ERBB4: variants seen among roughly 807,000 people sequenced by gnomAD.
ERBB4 encodes the protein receptor tyrosine-protein kinase erbB-4.
In ERBB4, 42 loss-of-function variants were observed where a neutral mutation model predicts 158.0. That is an observed-to-expected ratio of 0.27 (90% confidence interval 0.21 to 0.34). The LOEUF (loss-of-function observed/expected upper bound fraction) is 0.34. ERBB4 is among the 10% of genes least tolerant of loss of function. The pLI is 1.00. For missense variants in ERBB4, 1,333 were observed against 1,624.1 expected (o/e 0.82, Z 3.08); for synonymous variants, 583 against 558.7 (o/e 1.04, Z -0.61).
chr2:211,524,710 C>G (rs1219438008), intron 20 of ERBB4, among the ~76,000 whole-genome samples: 1 of 152,118 alleles, frequency 6.6e-6, no homozygotes, highest in Non-Finnish European at 1.5e-5. Context: ...GGAACTCCAG[C>G]TGGCCCGCAA....
At chr2:211,665,212 G>A in intron 15 of ERBB4, 111 bp downstream of exon 15, 1 of 1,086,856 alleles carries the variant, frequency 9.2e-7, no homozygotes, top group Non-Finnish European at 1.4e-6. Context: ...TTAAATATAA[G>A]GATTAGTAGA....
At chr2:212,044,571 A>C (rs1433151627) in intron 2 of ERBB4, among the ~76,000 whole-genome samples, 5 of 152,118 alleles carry the variant, frequency 3.3e-5, no homozygotes, top group African/African-American at 4.8e-5. Flanking sequence ...TATTACAATA[A>C]ATTTTAACAT....
At chr2:212,331,264 C>G (rs1442153106) in intron 1 of ERBB4, among the ~76,000 whole-genome samples, 1 of 150,578 alleles carries the variant, frequency 6.6e-6, no homozygotes, top group Non-Finnish European at 1.5e-5. Context: ...AGAAATAAGT[C>G]ATTATAATAT....
chr2:211,663,647 C>G (rs1471490033), intron 15 of ERBB4, among the ~76,000 whole-genome samples: 2 of 152,062 alleles, frequency 1.3e-5, no homozygotes, highest in Non-Finnish European at 2.9e-5. Flanking sequence ...GACACACCAG[C>G]CATGCATCCA....
intron 3 of ERBB4, among the ~76,000 whole-genome samples, chr2:211,912,444 C>T (rs2125057916): frequency 6.6e-6 from 1 of 151,920 alleles, no homozygotes; most frequent in East Asian, 1.9e-4. Flanking sequence ...TTAATCATAC[C>T]ATACTGTATT....
rs2105919110 is a variant in ERBB4 at position 211,665,391 on chromosome 2, G to A, written c.1803C>T (p.Asn601=). The A allele has an allele frequency of 6.2e-7, 1 of 1,613,994 alleles. No individual in the cohort carries two copies. Among genetic ancestry groups the A allele is most frequent in the Non-Finnish European group, 8.5e-7 (1 of 1,180,002 alleles). Reference sequence around the variant, plus strand: ...GATCAGCATACTTGAAAATGAAACTGTTTGCCCCCTGTAAGCCATCTGGAC... The same window carrying A: ...GATCAGCATACTTGAAAATGAAACTATTTGCCCCCTGTAAGCCATCTGGAC... ...EKCPDGLQGA[N]SFIFKYADPD... is the part of the protein sequence containing the mutation. The change falls in exon 15 of 28, where the codon AAC becomes AAT. Residue 601 remains asparagine, a synonymous_variant. Coordinates refer to ENST00000342788, the MANE Select transcript of ERBB4 (RefSeq NM_005235.3).
intron 5 of ERBB4, among the ~76,000 whole-genome samples, chr2:211,730,485 C>T (rs1295057815): frequency 6.6e-6 from 1 of 151,940 alleles, no homozygotes; most frequent in Non-Finnish European, 1.5e-5. Flanking sequence ...CCTCTGTCTT[C>T]TCTCCTTCAG....
At chr2:211,969,267 C>A (rs1015833861) in intron 2 of ERBB4, among the ~76,000 whole-genome samples, 1 of 151,908 alleles carries the variant, frequency 6.6e-6, no homozygotes, top group African/African-American at 2.4e-5. Context: ...GTTGGATGCA[C>A]AGAAGGGTCT....
At chr2:212,191,262 A>G (rs1452159373) in intron 1 of ERBB4, among the ~76,000 whole-genome samples, 1 of 152,102 alleles carries the variant, frequency 6.6e-6, no homozygotes, top group Non-Finnish European at 1.5e-5. Flanking sequence ...ATTTCTAACC[A>G]TTCCCCAGAT....
At chr2:212,086,003 T>C (rs1223859273) in intron 2 of ERBB4, among the ~76,000 whole-genome samples, 1 of 151,978 alleles carries the variant, frequency 6.6e-6, no homozygotes, top group Non-Finnish European at 1.5e-5. Flanking sequence ...GCTATACATC[T>C]GAGAACTTCC....
chr2:212,446,591 G>GTATATATGTA (rs2092355771), intron 1 of ERBB4, among the ~76,000 whole-genome samples: 1 of 27,518 alleles, frequency 3.6e-5, no homozygotes, highest in Non-Finnish European at 5.9e-5. Context: ...ATATATATAT[G>GTATATATGTA]TATATATATA....
intron 1 of ERBB4, among the ~76,000 whole-genome samples, chr2:212,340,127 A>G (rs2088634998): frequency 6.6e-6 from 1 of 151,372 alleles, no homozygotes. Flanking sequence ...CTTCAACCTC[A>G]CAGGCTCAAG....
At chr2:212,524,947 C>G (rs1003387237) in intron 1 of ERBB4, among the ~76,000 whole-genome samples, 14 of 151,940 alleles carry the variant, frequency 9.2e-5, no homozygotes, top group Admixed American at 2.6e-4. Context: ...GAAGGTCCAT[C>G]ATTGTGCCAC....
At chr2:212,128,285 A>C (rs764315810) in intron 1 of ERBB4, among the ~76,000 whole-genome samples, 1 of 152,212 alleles carries the variant, frequency 6.6e-6, no homozygotes, top group African/African-American at 2.4e-5. Flanking sequence ...CCCAAAATAA[A>C]GATTATATTT....
At chr2:212,421,483 G>C (rs2091791481) in intron 1 of ERBB4, among the ~76,000 whole-genome samples, 1 of 152,120 alleles carries the variant, frequency 6.6e-6, no homozygotes, top group Admixed American at 6.5e-5. Flanking sequence ...TCTATATCTA[G>C]TGTCACAAGT....
At chr2:211,974,256 T>C (rs1245161671) in intron 2 of ERBB4, among the ~76,000 whole-genome samples, 1 of 152,186 alleles carries the variant, frequency 6.6e-6, no homozygotes, top group African/African-American at 2.4e-5. Context: ...TCATAAAATT[T>C]GAGCTTTTAT....
chr2:211,554,331 G>A (rs954160158), intron 20 of ERBB4, among the ~76,000 whole-genome samples: 28 of 152,190 alleles, frequency 1.8e-4, no homozygotes, highest in Admixed American at 1.8e-3. Context: ...TAGAGTTTCA[G>A]TAAAGATTTA....
intron 19 of ERBB4, among the ~76,000 whole-genome samples, chr2:211,568,060 T>C (rs922729066): frequency 2.6e-5 from 4 of 152,100 alleles, no homozygotes; most frequent in African/African-American, 2.4e-5. Context: ...ACCATGGGAA[T>C]AAATACAACC....
At chr2:211,955,500 C>G (rs779159314) in intron 2 of ERBB4, among the ~76,000 whole-genome samples, 13 of 152,062 alleles carry the variant, frequency 8.5e-5, no homozygotes, top group Non-Finnish European at 1.6e-4. Context: ...AGACTTATTA[C>G]ACTAGAGTTA....
Sources: gnomAD v4.1 joint callset for allele counts (sites outside exome capture counted in the v4.1 genomes callset) on GRCh38, gnomAD v4.1.1 for gene constraint, MANE v1.5 for transcripts, NCBI Gene and HGNC (gene_info 2026-07-23, HGNC 2026-07-21) for gene names.